Variants in CTIF observed in about 807,000 individuals in gnomAD.
CTIF encodes the protein CBP80/20-dependent translation initiation factor.
In CTIF, 21 loss-of-function variants were observed where a neutral mutation model predicts 66.0. That is an observed-to-expected ratio of 0.32 (90% CI 0.23 to 0.46). The LOEUF (loss-of-function observed/expected upper bound fraction) is 0.46. Among genes scored for constraint, CTIF ranks in the 20% least tolerant of loss-of-function variants. The probability of loss-of-function intolerance (pLI) is 1.00; values close to 1 mark genes in which losing one functional copy is unlikely to be tolerated. For synonymous variants in CTIF, 345 were observed against 326.4 expected (o/e 1.06, Z -0.62); for missense variants, 739 against 812.7 (o/e 0.91, Z 1.10).
chr18:48,848,364 C>T (rs1421239871), intron 10 of CTIF, among the ~76,000 whole-genome samples: 1 of 152,174 alleles, frequency 6.6e-6, no homozygotes, highest in Non-Finnish European at 1.5e-5. Context: ...ACTTTGGCTC[C>T]CTCATGGCTG....
intron 10 of CTIF, among the ~76,000 whole-genome samples, chr18:48,817,896 C>G (rs987629750): frequency 6.6e-6 from 1 of 152,226 alleles, no homozygotes; most frequent in Admixed American, 6.5e-5. Flanking sequence ...ACCCCCTTCC[C>G]CCGTGGGGTG....
chr18:48,816,267 C>T (rs1228303966), intron 9 of CTIF, among the ~76,000 whole-genome samples: 1 of 152,190 alleles, frequency 6.6e-6, no homozygotes, highest in Admixed American at 6.5e-5. Context: ...TCACTCCTGC[C>T]TCATTCTATT....
chr18:48,733,826 T>C (rs2092476349), intron 7 of CTIF, among the ~76,000 whole-genome samples: 2 of 152,120 alleles, frequency 1.3e-5, no homozygotes, highest in Non-Finnish European at 2.9e-5. Flanking sequence ...TGCTCCCAAC[T>C]CACCCTCGCA....
At chr18:48,679,693 C>T (rs2091705747) in intron 6 of CTIF, among the ~76,000 whole-genome samples, 1 of 152,226 alleles carries the variant, frequency 6.6e-6, no homozygotes, top group Non-Finnish European at 1.5e-5. Context: ...AATTTCACCT[C>T]CTGCATGAAA....
At chr18:48,573,332 C>A (rs1016890751) in intron 1 of CTIF, among the ~76,000 whole-genome samples, 1 of 152,164 alleles carries the variant, frequency 6.6e-6, no homozygotes, top group Non-Finnish European at 1.5e-5. Context: ...ATGACCTCCC[C>A]CTCCCCATTT....
intron 7 of CTIF, among the ~76,000 whole-genome samples, chr18:48,733,271 G>A (rs1296415622): frequency 1.3e-5 from 2 of 152,006 alleles, no homozygotes; most frequent in African/African-American, 4.8e-5. Flanking sequence ...GAGGGGGTGG[G>A]TGCTCAGAGT....
chr18:48,589,856 T>C (rs1305296899), intron 1 of CTIF, among the ~76,000 whole-genome samples: 2 of 152,198 alleles, frequency 1.3e-5, no homozygotes, highest in Non-Finnish European at 2.9e-5. Flanking sequence ...CAGAGCCACC[T>C]CACGGAAGCA....
chr18:48,795,379 GT>G (rs934341759), intron 9 of CTIF, among the ~76,000 whole-genome samples: 4 of 152,138 alleles, frequency 2.6e-5, no homozygotes, highest in East Asian at 1.9e-4. Context: ...TGATAATGCA[GT>G]TTTTGAAAAA....
chr18:48,682,358 C>T (rs1816672531), intron 6 of CTIF, among the ~76,000 whole-genome samples: 2 of 152,156 alleles, frequency 1.3e-5, no homozygotes, highest in Admixed American at 6.5e-5. Context: ...AAAGTGTGGC[C>T]CCTGATCAGC....
chr18:48,668,887 G>T (rs1314272420), intron 5 of CTIF, among the ~76,000 whole-genome samples: 2 of 152,104 alleles, frequency 1.3e-5, no homozygotes, highest in South Asian at 4.2e-4. Context: ...AGGGGCAGTT[G>T]TGTGCACTGT....
At chr18:48,774,726 G>A (rs1198554472) in intron 9 of CTIF, among the ~76,000 whole-genome samples, 2 of 152,148 alleles carry the variant, frequency 1.3e-5, no homozygotes, top group African/African-American at 4.8e-5. Context: ...AGAGGGCTTG[G>A]GAGCCAGCAC....
intron 3 of CTIF, among the ~76,000 whole-genome samples, chr18:48,656,405 T>G (rs1387656499): frequency 1.3e-5 from 2 of 152,192 alleles, no homozygotes; most frequent in Non-Finnish European, 2.9e-5. Flanking sequence ...ACTATCTGCT[T>G]CTTAGGGTTG....
intron 10 of CTIF, among the ~76,000 whole-genome samples, chr18:48,828,982 C>T (rs950934843): frequency 1.3e-5 from 2 of 152,210 alleles, no homozygotes; most frequent in African/African-American, 4.8e-5. Context: ...AATCTTCTGA[C>T]TGGGTAATTA....
At chr18:48,680,586 C>G (rs2091723373) in intron 6 of CTIF, among the ~76,000 whole-genome samples, 1 of 152,250 alleles carries the variant, frequency 6.6e-6, no homozygotes, top group African/African-American at 2.4e-5. Flanking sequence ...CGTCCACCCG[C>G]TTTGATGAAT....
chr18:48,801,593 C>T (rs1435678919), intron 9 of CTIF, among the ~76,000 whole-genome samples: 2 of 152,220 alleles, frequency 1.3e-5, no homozygotes, highest in Non-Finnish European at 2.9e-5. Context: ...CATTATAGGT[C>T]AAATCTTTTT....
intron 1 of CTIF, among the ~76,000 whole-genome samples, chr18:48,579,719 T>C (rs1019557808): frequency 2.0e-5 from 3 of 152,264 alleles, no homozygotes; most frequent in African/African-American, 4.8e-5. Flanking sequence ...GATCTTGGTG[T>C]ACCCAGGTCT....
intron 9 of CTIF, among the ~76,000 whole-genome samples, chr18:48,784,834 G>A (rs1398615632): frequency 1.3e-5 from 2 of 152,184 alleles, no homozygotes; most frequent in East Asian, 3.9e-4. Context: ...GCTGGGCAGA[G>A]AAACATGTAT....
intron 6 of CTIF, among the ~76,000 whole-genome samples, chr18:48,675,866 T>C (rs2091620561): frequency 6.6e-6 from 1 of 152,210 alleles, no homozygotes; most frequent in Admixed American, 6.5e-5. Flanking sequence ...TGGAGCCGCA[T>C]AATCTGTAAT....
At chr18:48,828,439 A>AT (rs1435779810) in intron 10 of CTIF, among the ~76,000 whole-genome samples, 4 of 152,080 alleles carry the variant, frequency 2.6e-5, no homozygotes, top group African/African-American at 9.7e-5. Flanking sequence ...ACTATTTGGC[A>AT]TTTTTTCATA....
Sources: gnomAD v4.1 joint callset for allele counts (sites outside exome capture counted in the v4.1 genomes callset) on GRCh38, gnomAD v4.1.1 for gene constraint, MANE v1.5 for transcripts, NCBI Gene and HGNC (gene_info 2026-07-23, HGNC 2026-07-21) for gene names.